Variants in NEDD4L observed in about 807,000 individuals in gnomAD.
NEDD4L encodes NEDD4 like E3 ubiquitin protein ligase.
NEDD4L carries 54 observed loss-of-function variants against 148.9 expected under a neutral mutation model. That is an observed-to-expected ratio of 0.36 (90% CI 0.29 to 0.45). The LOEUF (loss-of-function observed/expected upper bound fraction) is 0.45, where lower values mean the gene tolerates loss of function less well. Ranked by LOEUF, NEDD4L falls within the 20% of genes least tolerant of loss-of-function variation. The probability of loss-of-function intolerance (pLI) is 1.00; values close to 1 mark genes in which losing one functional copy is unlikely to be tolerated. For synonymous variants in NEDD4L, 433 were observed against 440.7 expected (o/e 0.98, Z 0.22); for missense variants, 856 against 1,233.8 (o/e 0.69, Z 4.59).
chr18:58,302,079 C>T (rs1472798749), intron 5 of NEDD4L, among the ~76,000 whole-genome samples: 1 of 152,160 alleles, frequency 6.6e-6, no homozygotes, highest in Non-Finnish European at 1.5e-5. Flanking sequence ...TTGTAGATTT[C>T]GGAATCTTTT....
At chr18:58,237,187 T>C (rs1399470054) in intron 2 of NEDD4L, among the ~76,000 whole-genome samples, 1 of 152,140 alleles carries the variant, frequency 6.6e-6, no homozygotes, top group African/African-American at 2.4e-5. Context: ...AGTCTTTTTG[T>C]GGGCAGGGTC....
chr18:58,063,576 T>TG (rs2144739102), intron 1 of NEDD4L, among the ~76,000 whole-genome samples: 1 of 151,784 alleles, frequency 6.6e-6, no homozygotes, highest in South Asian at 2.1e-4. Flanking sequence ...CAGCTTTTTT[T>TG]TTTTTTTGAG....
chr18:58,232,888 G>A (rs1003891390), intron 2 of NEDD4L, among the ~76,000 whole-genome samples: 5 of 152,222 alleles, frequency 3.3e-5, no homozygotes, highest in African/African-American at 1.2e-4. Flanking sequence ...TTCACAGGTA[G>A]GCGTGTGTTT....
intron 1 of NEDD4L, among the ~76,000 whole-genome samples, chr18:58,054,321 A>G (rs2082003944): frequency 2.0e-5 from 3 of 152,178 alleles, no homozygotes; most frequent in South Asian, 4.1e-4. Flanking sequence ...TTTCTTTGCT[A>G]GTCTCTATTT....
At position 58,265,625 on chromosome 18, in the gene NEDD4L, C is replaced by T. The variant is rs538607742; in HGVS notation, c.297+13571C>T. Among the ~76,000 whole-genome samples the T allele has an allele frequency of 1.6e-4, 25 of 152,132 alleles. 1 individual carries two copies. Among genetic ancestry groups the T allele is most frequent in the Non-Finnish European group, 3.2e-4 (22 of 67,942 alleles). On this transcript the variant is annotated intron_variant, in intron 5 of 30. Coordinates refer to ENST00000400345, the MANE Select transcript of NEDD4L (RefSeq NM_001144967.3). ...TGTTGCCCAGGCTGGAGTACGGTGGCGTTAAGATGGCTCACTGCCACCTCC... is the reference window on the plus strand; with the variant it reads ...TGTTGCCCAGGCTGGAGTACGGTGGTGTTAAGATGGCTCACTGCCACCTCC...
intron 5 of NEDD4L, among the ~76,000 whole-genome samples, chr18:58,271,546 C>G (rs2051044181): frequency 2.0e-5 from 3 of 152,086 alleles, no homozygotes; most frequent in Admixed American, 2.0e-4. Flanking sequence ...AAAAGTTACC[C>G]TTTTAGAGTG....
At chr18:58,395,067 G>A (rs1361900685) in intron 30 of NEDD4L, among the ~76,000 whole-genome samples, 1 of 152,194 alleles carries the variant, frequency 6.6e-6, no homozygotes, top group Non-Finnish European at 1.5e-5. Flanking sequence ...TGAAATAGGG[G>A]TGAAGCATTA....
intron 2 of NEDD4L, among the ~76,000 whole-genome samples, chr18:58,224,250 C>G (rs574194866): frequency 6.6e-6 from 1 of 152,210 alleles, no homozygotes; most frequent in Non-Finnish European, 1.5e-5. Flanking sequence ...TGACTGGAAA[C>G]CCTGTCACGT....
intron 1 of NEDD4L, among the ~76,000 whole-genome samples, chr18:58,072,732 T>C (rs568292096): frequency 2.0e-5 from 3 of 152,248 alleles, no homozygotes; most frequent in Non-Finnish European, 4.4e-5. Context: ...TCTAGGACAA[T>C]TAGTAAAAAT....
Position 58,387,467 on chromosome 18 carries a change from T to C in NEDD4L, c.2516T>C (p.Leu839Ser). 1 of 1,573,920 alleles carries C rather than the reference T, an allele frequency of 6.4e-7. No individual in the cohort carries two copies. The highest frequency in any genetic ancestry group is 8.6e-7 in the Non-Finnish European group (1 of 1,161,328). ...EGFTELLPID[L>S]IKIFDENELE... ...TTCACAGAACTACTTCCTATTGATT[T>C]GATTAAAATTTTTGATGAAAATGAG... is the stretch of plus-strand genomic sequence containing the variant. The change falls in exon 27 of 31, where the codon TTG (leucine) becomes TCG (serine). Residue 839 changes from leucine (L) to serine (S), a missense_variant. Around this residue, in one of 4 missense-constraint regions of NEDD4L, gnomAD observed 286 missense variants for 531.8 expected, o/e 0.54. Coordinates refer to ENST00000400345, the MANE Select transcript of NEDD4L (RefSeq NM_001144967.3).
intron 1 of NEDD4L, among the ~76,000 whole-genome samples, chr18:58,101,152 T>C (rs2084730177): frequency 1.3e-5 from 2 of 152,166 alleles, no homozygotes; most frequent in South Asian, 4.1e-4. Flanking sequence ...TAGCAATGGC[T>C]TCAAAAAATG....
chr18:58,318,390 T>A lies in NEDD4L; in HGVS notation c.348+2358T>A, dbSNP rs550527002. On this transcript the variant is annotated intron_variant, in intron 6 of 30. Coordinates refer to ENST00000400345, the MANE Select transcript of NEDD4L (RefSeq NM_001144967.3). ...TGGCAACATGGCAAGACCCTGTCTC[T>A]ATAGAGAAACTTAAAGATTAACCCA... Among the ~76,000 whole-genome samples the A allele has an allele frequency of 3.9e-5, 6 of 152,294 alleles. No homozygotes were observed. The South Asian group carries it at 1.2e-3, about 32-fold the overall frequency.
At chr18:58,287,497 A>G (rs1430861663) in intron 5 of NEDD4L, among the ~76,000 whole-genome samples, 1 of 152,166 alleles carries the variant, frequency 6.6e-6, no homozygotes. Context: ...TCACCTCGGC[A>G]CCACAGCTCT....
At chr18:58,057,874 C>T (rs1428596926) in intron 1 of NEDD4L, among the ~76,000 whole-genome samples, 3 of 152,200 alleles carry the variant, frequency 2.0e-5, no homozygotes, top group Admixed American at 6.5e-5. Flanking sequence ...GTCTAACAGA[C>T]AACAGGGGCA....
At chr18:58,385,416 C>A (rs1456489926) in intron 25 of NEDD4L, 110 bp from the exon 26 acceptor site, 2 of 857,412 alleles carry the variant, frequency 2.3e-6, no homozygotes, top group Non-Finnish European at 4.1e-6. Flanking sequence ...GGAGACCCTC[C>A]CCTCTGCTCT....
intron 24 of NEDD4L, among the ~76,000 whole-genome samples, chr18:58,382,832 G>A (rs1369588051): frequency 2.0e-5 from 3 of 152,152 alleles, no homozygotes; most frequent in African/African-American, 7.2e-5. Context: ...GAAATACCAT[G>A]CATCCTTTTT....
At chr18:58,249,838 C>A (rs1203926269) in intron 4 of NEDD4L, among the ~76,000 whole-genome samples, 1 of 152,200 alleles carries the variant, frequency 6.6e-6, no homozygotes, top group African/African-American at 2.4e-5. Flanking sequence ...ATGCTCAGAG[C>A]TGAAATATGG....
chr18:58,109,567 T>G (rs892343734), intron 1 of NEDD4L, among the ~76,000 whole-genome samples: 24 of 142,380 alleles, frequency 1.7e-4, no homozygotes, highest in African/African-American at 6.3e-4. Flanking sequence ...GGAGGTTTTT[T>G]TTTTGTTTTT....
intron 1 of NEDD4L, among the ~76,000 whole-genome samples, chr18:58,058,569 T>C (rs2082190503): frequency 6.6e-6 from 1 of 152,224 alleles, no homozygotes; most frequent in Non-Finnish European, 1.5e-5. Flanking sequence ...CAATTGAATC[T>C]GATGAATTCA....
Sources: gnomAD v4.1 joint callset for allele counts (sites outside exome capture counted in the v4.1 genomes callset) on GRCh38, gnomAD v4.1.1 for gene constraint, gnomAD v4.1.1 regional missense constraint, MANE v1.5 for transcripts, NCBI Gene and HGNC (gene_info 2026-07-23, HGNC 2026-07-21) for gene names.